Variants in DNAH6 observed in about 807,000 individuals in gnomAD.
The protein encoded by DNAH6 is dynein axonemal heavy chain 6, also known as axonemal beta dynein heavy chain 6.
DNAH6 carries 340 observed loss-of-function variants against 491.4 expected under a neutral mutation model. That is an observed-to-expected ratio of 0.69 (90% CI 0.63 to 0.76). The LOEUF (loss-of-function observed/expected upper bound fraction) is 0.76. Among genes scored for constraint, DNAH6 ranks in the 30% least tolerant of loss-of-function variants. The probability of loss-of-function intolerance (pLI) is 0.00; values close to 1 mark genes in which losing one functional copy is unlikely to be tolerated. For missense variants in DNAH6, 4,443 were observed against 4,972.2 expected, an observed-to-expected ratio of 0.89 and a Z score of 3.20; for synonymous variants, 1,603 against 1,686.1, an observed-to-expected ratio of 0.95 and a Z score of 1.21.
intron 12 of DNAH6, among the ~76,000 whole-genome samples, chr2:84,575,651 G>A (rs1441987314): frequency 6.6e-6 from 1 of 152,272 alleles, no homozygotes; most frequent in African/African-American, 2.4e-5. Flanking sequence ...TTGGGAGGCC[G>A]AGGCGGGGGG....
intron 16 of DNAH6, among the ~76,000 whole-genome samples, chr2:84,592,812 A>G (rs973918611): frequency 6.6e-6 from 1 of 152,204 alleles, no homozygotes; most frequent in Non-Finnish European, 1.5e-5. Flanking sequence ...CATTATGCTT[A>G]GTGAAATAAG....
In DNAH6 at chr2:84,777,702, A is replaced by G. The variant is rs1300778428; in HGVS notation, c.10704-3791A>G. On this transcript the variant is annotated intron_variant, in intron 64 of 76. Transcript: ENST00000389394. ...CCAAGGACCTACCCATGACAGCTTA[A>G]TGGGTGAACTCCCAGCCCTTCCCCC... 1.7e-5 allele frequency: 14 copies of G among 819,136 alleles called. No homozygotes were observed. The African/African-American group carries it at 2.2e-4, about 13-fold the overall frequency. 50.7% of individuals were successfully genotyped at this position (819,136 alleles called of 1,614,324 possible).
intron 37 of DNAH6, among the ~76,000 whole-genome samples, chr2:84,665,144 C>G (rs1263596987): frequency 6.6e-6 from 1 of 152,132 alleles, no homozygotes; most frequent in Non-Finnish European, 1.5e-5. Flanking sequence ...CAAGAGAAAG[C>G]AGGAAAGATC....
Position 84,808,503 on chromosome 2 carries a change from G to C in DNAH6, c.11700G>C (p.Gln3900His). 2 of 1,551,904 alleles carry C rather than the reference G, an allele frequency of 1.3e-6. No homozygotes were observed. The highest frequency in any genetic ancestry group is 1.7e-6 in the Non-Finnish European group (2 of 1,147,024). Residue 3900 changes from glutamine (Q) to histidine (H), a missense_variant, in exon 72 of 77, where the codon CAG becomes CAC. Coordinates refer to ENST00000389394, the MANE Select transcript of DNAH6 (RefSeq NM_001370.2). The part of the protein sequence containing the change: ...RLNSLTTVLG[Q>H]EVDRFNNLLK... The stretch of plus-strand genomic sequence containing the variant: ...ACTCCTTGACCACCGTTCTTGGACA[G>C]GAAGTGGACCGGTTTAACAACCTGC...
intron 62 of DNAH6, among the ~76,000 whole-genome samples, chr2:84,743,444 A>T (rs1239200386): frequency 2.0e-5 from 3 of 152,238 alleles, no homozygotes. Flanking sequence ...TGTCAATCTT[A>T]CCTTCAGAAA....
chr2:84,753,055 CACA>C (rs1206707081), intron 63 of DNAH6, among the ~76,000 whole-genome samples: 2 of 152,188 alleles, frequency 1.3e-5, no homozygotes, highest in East Asian at 3.8e-4. Flanking sequence ...TCCACACCCT[CACA>C]ACATTTGTTA....
At position 84,621,046 on chromosome 2, in the gene DNAH6, A is replaced by G. The variant is rs754890745; in HGVS notation, c.3793-145A>G. On this transcript the variant is annotated intron_variant, in intron 24 of 76. Transcript: ENST00000389394. The stretch of plus-strand genomic sequence containing the variant: ...AGGTGGGGTGAAAGGAGATAGATGC[A>G]TAGTGGAATGTCAATAGAAGTTTCA... 19 of 766,892 alleles carry G rather than the reference A, an allele frequency of 2.5e-5. No homozygotes were observed. In the African/African-American group the frequency reaches 2.6e-4, roughly 11 times the overall value. 47.5% of individuals were successfully genotyped at this position (766,892 alleles called of 1,614,324 possible).
chr2:84,781,711 T>C (rs1676720852), intron 65 of DNAH6, 58 bp downstream of exon 65: 12 of 1,475,686 alleles, frequency 8.1e-6, no homozygotes, highest in Non-Finnish European at 9.1e-6. Flanking sequence ...CCTTTTCTTG[T>C]TGAATTCATT....
intron 42 of DNAH6, among the ~76,000 whole-genome samples, chr2:84,683,409 C>CTTTTTTT (rs1355979194): frequency 1.2e-5 from 1 of 83,716 alleles, no homozygotes; most frequent in African/African-American, 5.7e-5. Flanking sequence ...CTACACCACT[C>CTTTTTTT]TTATTTTTTT....
Position 84,579,578 on chromosome 2 carries a change from A to G in DNAH6, c.2128A>G (p.Ile710Val), listed in dbSNP as rs1394466248. ...RQSKKKVDAI[I>V]FEAQDAEYKL... ...AAGCAAGAAAAAAGTGGATGCCATT[A>G]TCTTTGAGGCACAAGATGCAGAGTA... Residue 710 changes from isoleucine (I) to valine (V), a missense_variant, in exon 14 of 77, where the codon ATC becomes GTC. Coordinates refer to ENST00000389394, the MANE Select transcript of DNAH6 (RefSeq NM_001370.2). The G allele has an allele frequency of 6.2e-7, 1 of 1,613,918 alleles. No homozygotes were observed. The highest frequency in any genetic ancestry group is 8.5e-7 in the Non-Finnish European group (1 of 1,179,898).
At chr2:84,705,439 ATATTACTTCATTTCAGTGCCAT>A in intron 51 of DNAH6, 25 bp from the exon 52 acceptor site, 1 of 1,448,530 alleles carries the variant, frequency 6.9e-7, no homozygotes. Context: ...TTTTGTTCTT[ATATTACTTCATTTCAGTGCCAT>A]TAATATATCA....
the DNAH6 span, among the ~76,000 whole-genome samples, chr2:84,465,171 A>C: frequency 4.6e-5 from 7 of 152,164 alleles, no homozygotes; most frequent in Admixed American, 3.3e-4. Context: ...ACAAAAAGTG[A>C]TATCTGGAAG....
the DNAH6 span, among the ~76,000 whole-genome samples, chr2:84,502,579 T>C: frequency 6.6e-6 from 1 of 152,210 alleles, no homozygotes; most frequent in Non-Finnish European, 1.5e-5. Flanking sequence ...TTGTTGATTT[T>C]CTGTCTGGAA....
intron 20 of DNAH6, among the ~76,000 whole-genome samples, chr2:84,606,553 G>C (rs1292460179): frequency 6.6e-6 from 1 of 152,098 alleles, no homozygotes; most frequent in African/African-American, 2.4e-5. Context: ...TCTCTTCCTT[G>C]AGATAATTGA....
chr2:84,600,985 T>TATA (rs148444970), intron 18 of DNAH6, among the ~76,000 whole-genome samples: 5,020 of 144,504 alleles, frequency 0.035, 307 homozygotes, highest in African/African-American at 0.12. Context: ...ATTATTATAG[T>TATA]ATAATAATAA....
chr2:84,602,200 A>G (rs1248158882), intron 18 of DNAH6, among the ~76,000 whole-genome samples: 3 of 151,692 alleles, frequency 2.0e-5, no homozygotes, highest in African/African-American at 7.3e-5. Flanking sequence ...GTGTGGATCT[A>G]AGTTTCTGAC....
At chr2:84,686,365 T>C in intron 43 of DNAH6, 119 bp from the exon 44 acceptor site, 1 of 619,754 alleles carries the variant, frequency 1.6e-6, no homozygotes, top group South Asian at 2.1e-5. Flanking sequence ...TCTCAGTTTT[T>C]ATGTATATTA....
intron 62 of DNAH6, among the ~76,000 whole-genome samples, chr2:84,741,696 C>G (rs370123256): frequency 3.8e-4 from 58 of 152,324 alleles, no homozygotes; most frequent in Middle Eastern, 3.4e-3. Context: ...CTCCCTGGAG[C>G]AGCACAGTGG....
chr2:84,498,967 T>C, the DNAH6 span, among the ~76,000 whole-genome samples: 1,715 of 152,256 alleles, frequency 0.011, 31 homozygotes, highest in African/African-American at 0.039. Context: ...ACATGAGATG[T>C]TTTGACACAG....
Sources: gnomAD v4.1 joint callset for allele counts (sites outside exome capture counted in the v4.1 genomes callset) on GRCh38, gnomAD v4.1.1 for gene constraint, MANE v1.5 for transcripts, NCBI Gene and HGNC (gene_info 2026-07-23, HGNC 2026-07-21) for gene names.